Variants in VKORC1L1 observed in about 807,000 individuals in gnomAD.
VKORC1L1 encodes vitamin K epoxide reductase complex subunit 1L1.
A neutral mutation model predicts 18.9 loss-of-function variants in VKORC1L1; 2 were observed. The observed-to-expected ratio is 0.11, with a 90% CI of 0.04 to 0.33. The LOEUF (loss-of-function observed/expected upper bound fraction) is 0.33. Among genes scored for constraint, VKORC1L1 ranks in the 10% least tolerant of loss-of-function variants. VKORC1L1 has a pLI of 1.00. For synonymous variants in VKORC1L1, 96 were observed against 100.0 expected, an observed-to-expected ratio of 0.96 and a Z score of 0.24; for missense variants, 123 against 224.1, an observed-to-expected ratio of 0.55 and a Z score of 2.88.
intron 2 of VKORC1L1, 115 bp downstream of exon 2, chr7:65,948,895 TACA>T (rs1385690756): frequency 2.0e-5 from 26 of 1,310,138 alleles, no homozygotes; most frequent in South Asian, 5.7e-5. Flanking sequence ...CACTAGCGTG[TACA>T]ACATTTTTGT....
At position 65,899,321 on chromosome 7, in the gene VKORC1L1, C is replaced by T. The variant is rs577778123; in HGVS notation, c.194+25756C>T. On this transcript the variant is annotated intron_variant, in intron 1 of 2. Transcript: ENST00000360768. Reference sequence around the variant, plus strand: ...TACTCTTCCAAATCCACCTCTTTATCCCAGGAACAAGCTGCTTCTATGCCA... The same window carrying T: ...TACTCTTCCAAATCCACCTCTTTATTCCAGGAACAAGCTGCTTCTATGCCA... Among the ~76,000 whole-genome samples, 237 of 152,324 alleles carry T rather than the reference C, an allele frequency of 1.6e-3. 2 individuals carry two copies. Among genetic ancestry groups the T allele is most frequent in the Non-Finnish European group, 1.0e-3 (68 of 68,026 alleles).
At chr7:65,919,700 T>C (rs1789644443) in intron 1 of VKORC1L1, among the ~76,000 whole-genome samples, 1 of 152,200 alleles carries the variant, frequency 6.6e-6, no homozygotes, top group African/African-American at 2.4e-5. Flanking sequence ...ACTGAGTTTA[T>C]TTCCATCCTT....
At chr7:65,914,909 G>A (rs1264443228) in intron 1 of VKORC1L1, among the ~76,000 whole-genome samples, 1 of 152,056 alleles carries the variant, frequency 6.6e-6, no homozygotes, top group Non-Finnish European at 1.5e-5. Flanking sequence ...GGGAAGCTGA[G>A]GTGAGAAACT....
At position 65,956,559 on chromosome 7, in the gene VKORC1L1, C is replaced by T. The variant is rs771441020; in HGVS notation, c.*2259C>T. The T allele has an allele frequency of 1.3e-5, 2 of 152,160 alleles. No homozygotes were observed. The highest frequency in any genetic ancestry group is 2.9e-5 in the Non-Finnish European group (2 of 68,030). 9.4% of individuals were successfully genotyped at this position (152,160 alleles called of 1,614,324 possible). The stretch of plus-strand genomic sequence containing the variant: ...GTTTCAGTTGTATAAAAACTTTTGC[C>T]ACATTCCTATGGCCCAGTCGAATTA... On this transcript the variant is annotated 3_prime_UTR_variant, in exon 3 of 3. Transcript: ENST00000360768.
At chr7:65,891,216 G>T (rs1195673636) in intron 1 of VKORC1L1, among the ~76,000 whole-genome samples, 1 of 140,250 alleles carries the variant, frequency 7.1e-6, no homozygotes, top group Non-Finnish European at 1.5e-5. Context: ...TTTTCTTATT[G>T]ATTGTTTCTA....
rs1788877864 is a variant in VKORC1L1, at chr7:65,878,980, T to G, written c.194+5415T>G. 2.6e-5 allele frequency among the ~76,000 whole-genome samples: 4 copies of G among 152,194 alleles called. No individual in the cohort carries two copies. The South Asian group carries it at 8.3e-4, about 31-fold the overall frequency. ...TTCGGATTTGAAAGATAACAAAGCA[T>G]GTACAGTGAAAAGTCTCCTTCATAT... On this transcript the variant is annotated intron_variant, in intron 1 of 2. Coordinates refer to ENST00000360768, the MANE Select transcript of VKORC1L1 (RefSeq NM_173517.6).
chr7:65,910,731 G>A lies in VKORC1L1; in HGVS notation c.194+37166G>A, dbSNP rs563737057. Among the ~76,000 whole-genome samples, 3 of 151,978 alleles carry A rather than the reference G, an allele frequency of 2.0e-5. No homozygotes were observed. In the East Asian group the frequency reaches 5.8e-4, roughly 29 times the overall value. ...CATTAGTTTCCAAAGGTAGCAAGCT[G>A]TGCTTTCATTGGAAAGTGCAGATTT... is the stretch of plus-strand genomic sequence containing the variant. On this transcript the variant is annotated intron_variant, in intron 1 of 2. Coordinates refer to ENST00000360768, the MANE Select transcript of VKORC1L1 (RefSeq NM_173517.6).
intron 1 of VKORC1L1, among the ~76,000 whole-genome samples, chr7:65,937,464 A>G (rs1398668623): frequency 6.6e-6 from 1 of 152,214 alleles, no homozygotes; most frequent in Non-Finnish European, 1.5e-5. Flanking sequence ...GCACAAACAC[A>G]GCTCACTGCA....
chr7:65,908,183 C>T (rs552991763), intron 1 of VKORC1L1, among the ~76,000 whole-genome samples: 4 of 152,036 alleles, frequency 2.6e-5, no homozygotes, highest in African/African-American at 4.8e-5. Flanking sequence ...AAGGCCGAGG[C>T]GGGCAGATCA....
chr7:65,936,980 A>T (rs2115686687), intron 1 of VKORC1L1, among the ~76,000 whole-genome samples: 1 of 152,292 alleles, frequency 6.6e-6, no homozygotes, highest in Middle Eastern at 3.4e-3. Context: ...AGGTGCCTGG[A>T]CTGCTGGCCA....
intron 1 of VKORC1L1, among the ~76,000 whole-genome samples, chr7:65,907,095 C>G (rs981695876): frequency 2.6e-5 from 4 of 152,020 alleles, no homozygotes; most frequent in Non-Finnish European, 5.9e-5. Flanking sequence ...GCTAGAGACT[C>G]ATTACTTTTC....
At chr7:65,906,329 C>T (rs1450799693) in intron 1 of VKORC1L1, among the ~76,000 whole-genome samples, 1 of 151,530 alleles carries the variant, frequency 6.6e-6, no homozygotes, top group Non-Finnish European at 1.5e-5. Flanking sequence ...AGCTGTAGTA[C>T]CACTCCACTC....
At chr7:65,947,138 A>AAAAAC (rs199736138) in intron 1 of VKORC1L1, among the ~76,000 whole-genome samples, 2 of 152,146 alleles carry the variant, frequency 1.3e-5, no homozygotes, top group Non-Finnish European at 2.9e-5. Flanking sequence ...CCTGTCTCAA[A>AAAAAC]AAAACAAAAC....
intron 1 of VKORC1L1, among the ~76,000 whole-genome samples, chr7:65,940,041 T>C (rs1012576230): frequency 2.0e-5 from 3 of 152,110 alleles, no homozygotes; most frequent in Admixed American, 1.3e-4. Flanking sequence ...TTTTATGTTT[T>C]TGTGACAGGG....
chr7:65,877,825 C>G (rs1442398221), intron 1 of VKORC1L1, among the ~76,000 whole-genome samples: 1 of 152,012 alleles, frequency 6.6e-6, no homozygotes, highest in East Asian at 1.9e-4. Flanking sequence ...GAACATATAC[C>G]ATAGGGGATT....
intron 1 of VKORC1L1, among the ~76,000 whole-genome samples, chr7:65,889,748 A>C (rs1481622556): frequency 6.6e-6 from 1 of 152,144 alleles, no homozygotes. Flanking sequence ...CTTTTCTAAG[A>C]TCGCACCTAA....
At chr7:65,937,918 A>T (rs949080160) in intron 1 of VKORC1L1, among the ~76,000 whole-genome samples, 4 of 152,134 alleles carry the variant, frequency 2.6e-5, no homozygotes, top group African/African-American at 4.8e-5. Flanking sequence ...AGAAAAAGTG[A>T]TATCCTTGGC....
chr7:65,909,203 C>G (rs1322213072), intron 1 of VKORC1L1, among the ~76,000 whole-genome samples: 3 of 146,036 alleles, frequency 2.1e-5, no homozygotes, highest in Non-Finnish European at 4.5e-5. Flanking sequence ...AGGCTGGTCT[C>G]AAACTCCTCA....
At position 65,959,173 on chromosome 7, in the gene VKORC1L1, T is replaced by A. The variant is rs933081145; in HGVS notation, c.*4873T>A. 1 of 152,182 alleles carries A rather than the reference T, an allele frequency of 6.6e-6. No individual in the cohort carries two copies. Among genetic ancestry groups the A allele is most frequent in the East Asian group, 1.9e-4 (1 of 5,186 alleles). The allele number at this position is 152,182 out of a possible 1,614,324, so 9.4% of individuals were successfully genotyped here. On this transcript the variant is annotated 3_prime_UTR_variant, in exon 3 of 3. Coordinates refer to ENST00000360768, the MANE Select transcript of VKORC1L1 (RefSeq NM_173517.6). Reference sequence around the variant, plus strand: ...ACAGAAAAATTAGCCAGGATTGTGGTGTGCGCCTGTAATCCCAGCTATTCA... The same window carrying A: ...ACAGAAAAATTAGCCAGGATTGTGGAGTGCGCCTGTAATCCCAGCTATTCA...
Sources: allele counts gnomAD v4.1 joint callset (sites outside exome capture counted in the v4.1 genomes callset), GRCh38; gene constraint gnomAD v4.1.1; transcripts MANE v1.5; gene names NCBI Gene and HGNC (gene_info 2026-07-23, HGNC 2026-07-21).